Variants in LINGO2 observed in about 807,000 individuals in gnomAD.
LINGO2 encodes the protein leucine rich repeat and Ig domain containing 2.
In LINGO2, 14 loss-of-function variants were observed where a neutral mutation model predicts 30.6. The ratio of observed to expected loss-of-function variants is 0.46; its 90% CI spans 0.30 to 0.72. The LOEUF is 0.72. Ranked by LOEUF, LINGO2 falls within the 30% of genes least tolerant of loss-of-function variation. LINGO2 has a pLI of 0.07. For synonymous variants in LINGO2, 317 were observed against 288.5 expected, an observed-to-expected ratio of 1.10 and a Z score of -1.00; for missense variants, 729 against 751.7, an observed-to-expected ratio of 0.97 and a Z score of 0.35.
At chr9:28,570,096 A>C (rs1823606004) in intron 1 of LINGO2, among the ~76,000 whole-genome samples, 1 of 151,892 alleles carries the variant, frequency 6.6e-6, no homozygotes, top group Non-Finnish European at 1.5e-5. Flanking sequence ...GAAAACAAAT[A>C]TTTTTAAAAC....
chr9:29,070,245 CAT>C, the LINGO2 span, among the ~76,000 whole-genome samples: 27 of 152,036 alleles, frequency 1.8e-4, no homozygotes, highest in Admixed American at 1.4e-3. Flanking sequence ...AGAGAGAAAA[CAT>C]AGCTTTAACC....
chr9:28,202,737 A>T (rs1358576218), intron 4 of LINGO2, among the ~76,000 whole-genome samples: 1 of 152,164 alleles, frequency 6.6e-6, no homozygotes, highest in East Asian at 1.9e-4. Flanking sequence ...GTAAAATGGG[A>T]TAATGTACCT....
At chr9:28,155,485 A>G (rs567391869) in intron 4 of LINGO2, among the ~76,000 whole-genome samples, 28 of 152,176 alleles carry the variant, frequency 1.8e-4, no homozygotes, top group Non-Finnish European at 3.7e-4. Flanking sequence ...TAAAACACAA[A>G]ACTGATCATG....
chr9:28,380,306 A>G (rs1312636541), intron 2 of LINGO2, among the ~76,000 whole-genome samples: 1 of 151,948 alleles, frequency 6.6e-6, no homozygotes, highest in Non-Finnish European at 1.5e-5. Context: ...ACCAATTTCC[A>G]TAAGGCCACC....
chr9:28,391,481 C>T (rs1285260772), intron 2 of LINGO2, among the ~76,000 whole-genome samples: 3 of 152,096 alleles, frequency 2.0e-5, no homozygotes, highest in African/African-American at 7.2e-5. Context: ...GGGAAATCAT[C>T]TGTTTTTCTG....
chr9:28,359,490 A>G (rs1428190804), intron 3 of LINGO2, among the ~76,000 whole-genome samples: 1 of 152,152 alleles, frequency 6.6e-6, no homozygotes, highest in Non-Finnish European at 1.5e-5. Context: ...TGGCCCTAAA[A>G]TTACAAAAAC....
chr9:28,368,581 C>T (rs1485436631), intron 3 of LINGO2, among the ~76,000 whole-genome samples: 4 of 128,042 alleles, frequency 3.1e-5, no homozygotes, highest in African/African-American at 8.8e-5. Context: ...CTTTCTTTCT[C>T]TTCTTTTCTT....
chr9:28,656,757 T>A (rs1018195658), intron 1 of LINGO2, among the ~76,000 whole-genome samples: 12 of 152,234 alleles, frequency 7.9e-5, no homozygotes, highest in East Asian at 3.9e-4. Context: ...TGCTTCTCCC[T>A]TCAGAAGATA....
At chr9:28,515,665 T>C (rs1820592908) in intron 1 of LINGO2, among the ~76,000 whole-genome samples, 2 of 152,190 alleles carry the variant, frequency 1.3e-5, no homozygotes, top group African/African-American at 4.8e-5. Context: ...GATGAGTTGT[T>C]CTCATTAAAG....
At chr9:28,424,693 A>C (rs1823333702) in intron 2 of LINGO2, among the ~76,000 whole-genome samples, 1 of 152,170 alleles carries the variant, frequency 6.6e-6, no homozygotes, top group Non-Finnish European at 1.5e-5. Flanking sequence ...TTTTTGTCCT[A>C]TAACTTGATC....
chr9:28,807,860 C>T, the LINGO2 span, among the ~76,000 whole-genome samples: 1 of 152,000 alleles, frequency 6.6e-6, no homozygotes, highest in Non-Finnish European at 1.5e-5. Flanking sequence ...GAATAGTATT[C>T]ATTTAATAAC....
At chr9:28,896,137 T>A in the LINGO2 span, among the ~76,000 whole-genome samples, 14 of 152,282 alleles carry the variant, frequency 9.2e-5, no homozygotes, top group African/African-American at 3.4e-4. Flanking sequence ...GAGGACAGGC[T>A]GAAAAGTGTG....
intron 4 of LINGO2, among the ~76,000 whole-genome samples, chr9:28,054,181 G>A (rs1268890936): frequency 1.3e-5 from 2 of 152,034 alleles, no homozygotes; most frequent in African/African-American, 4.8e-5. Flanking sequence ...TTATTATAAG[G>A]CATTAGGAGA....
the LINGO2 span, among the ~76,000 whole-genome samples, chr9:28,997,462 G>C: frequency 6.6e-6 from 1 of 152,064 alleles, no homozygotes; most frequent in Non-Finnish European, 1.5e-5. Context: ...AAATATAACA[G>C]TTTGTTAAAT....
chr9:28,832,244 T>C, the LINGO2 span, among the ~76,000 whole-genome samples: 1 of 152,230 alleles, frequency 6.6e-6, no homozygotes, highest in Admixed American at 6.5e-5. Context: ...TTTCCTTTCA[T>C]ATTTATCTGA....
the LINGO2 span, among the ~76,000 whole-genome samples, chr9:29,161,743 A>G: frequency 5.3e-5 from 8 of 152,160 alleles, no homozygotes; most frequent in Non-Finnish European, 1.2e-4. Context: ...ATCATAGAAA[A>G]CTAGATAACT....
At chr9:29,113,415 G>C in the LINGO2 span, among the ~76,000 whole-genome samples, 4 of 152,162 alleles carry the variant, frequency 2.6e-5, no homozygotes, top group South Asian at 4.1e-4. Flanking sequence ...GAAGGGAACA[G>C]ACAGTGTTGA....
chr9:28,965,928 G>A, the LINGO2 span, among the ~76,000 whole-genome samples: 1 of 152,268 alleles, frequency 6.6e-6, no homozygotes, highest in South Asian at 2.1e-4. Flanking sequence ...TGTCTAGACA[G>A]GATATTTTTG....
In LINGO2 at chr9:28,117,326, G is replaced by A. The variant is rs113953913; in HGVS notation, c.-86-104921C>T. On this transcript the variant is annotated intron_variant, in intron 4 of 5. Transcript: ENST00000379992. ...CTGCTCTCTTCAAAGCTGTCAGACA[G>A]GGACATTTAAGTCTGCAGAGGTTAC... Among the ~76,000 whole-genome samples the A allele has an allele frequency of 6.1e-3, 882 of 145,702 alleles. 9 individuals carry two copies. The highest frequency in any genetic ancestry group is 0.021 in the African/African-American group (838 of 39,724).
Sources: allele counts gnomAD v4.1 joint callset (sites outside exome capture counted in the v4.1 genomes callset), GRCh38; gene constraint gnomAD v4.1.1; transcripts MANE v1.5; gene names NCBI Gene and HGNC (gene_info 2026-07-23, HGNC 2026-07-21).